SORCS3: variants seen among roughly 807,000 people sequenced by gnomAD.
The protein encoded by SORCS3 is sortilin related VPS10 domain containing receptor 3.
Under a neutral mutation model 146.3 loss-of-function variants are expected in SORCS3, and 57 were observed. The ratio of observed to expected loss-of-function variants is 0.39; its 90% confidence interval spans 0.31 to 0.49. SORCS3 has a LOEUF of 0.49. Ranked by LOEUF, SORCS3 falls within the 20% of genes least tolerant of loss-of-function variation. The pLI, the probability that SORCS3 is intolerant of heterozygous loss-of-function variation, is 0.92. For missense variants in SORCS3, 1,341 were observed against 1,575.5 expected (o/e 0.85, Z 2.52); for synonymous variants, 653 against 618.5 (o/e 1.06, Z -0.83).
intron 1 of SORCS3, among the ~76,000 whole-genome samples, chr10:104,676,853 TTC>T (rs1275827974): frequency 6.6e-6 from 1 of 152,218 alleles, no homozygotes; most frequent in Admixed American, 6.5e-5. Context: ...CTTGATTTCA[TTC>T]TGTCTCCAGT....
chr10:105,085,890 T>C (rs2055656962), intron 5 of SORCS3, among the ~76,000 whole-genome samples: 1 of 152,170 alleles, frequency 6.6e-6, no homozygotes, highest in Admixed American at 6.5e-5. Context: ...TCTCTGTCTC[T>C]CTCTGTTTCT....
intron 7 of SORCS3, among the ~76,000 whole-genome samples, chr10:105,114,092 C>T (rs1328855291): frequency 6.6e-6 from 1 of 152,110 alleles, no homozygotes; most frequent in Non-Finnish European, 1.5e-5. Flanking sequence ...CCTGGCTACC[C>T]TTGCTACTAG....
In SORCS3 at chr10:104,842,839, G is replaced by A. The variant is rs762109699; in HGVS notation, c.675G>A (p.Val225=). ...TKLYDFNLGS[V]TESSLWRSTD... Reference sequence around the variant, plus strand: ...TGTATGACTTCAACCTGGGCAGCGTGACTGAGAGTTCACTATGGAGGTAAG... The same window carrying A: ...TGTATGACTTCAACCTGGGCAGCGTAACTGAGAGTTCACTATGGAGGTAAG... Residue 225 remains valine, a synonymous_variant, in exon 2 of 27, where the codon GTG becomes GTA. Transcript: ENST00000369701. 54 of 1,613,806 alleles carry A rather than the reference G, an allele frequency of 3.3e-5. 1 individual carries two copies. The Admixed American group carries it at 8.0e-4, about 24-fold the overall frequency.
intron 1 of SORCS3, among the ~76,000 whole-genome samples, chr10:104,821,912 G>A (rs538873788): frequency 2.7e-4 from 41 of 152,278 alleles, no homozygotes; most frequent in Admixed American, 2.4e-3. Context: ...GCAGAGCCAG[G>A]TACATAGTAG....
chr10:105,136,129 A>G (rs776083351), intron 7 of SORCS3, among the ~76,000 whole-genome samples: 3 of 152,142 alleles, frequency 2.0e-5, no homozygotes, highest in Non-Finnish European at 2.9e-5. Flanking sequence ...TCTGTCTCAG[A>G]CCATTTCTGC....
chr10:104,921,985 C>G (rs1433946793), intron 3 of SORCS3, among the ~76,000 whole-genome samples: 1 of 152,180 alleles, frequency 6.6e-6, no homozygotes, highest in East Asian at 1.9e-4. Flanking sequence ...TCAGGCTACC[C>G]TGCAGAAATA....
At chr10:105,117,408 T>G (rs2055901212) in intron 7 of SORCS3, among the ~76,000 whole-genome samples, 1 of 152,154 alleles carries the variant, frequency 6.6e-6, no homozygotes, top group Admixed American at 6.5e-5. Context: ...AGTGAACTAT[T>G]TAAGTGAAGT....
intron 1 of SORCS3, among the ~76,000 whole-genome samples, chr10:104,719,980 T>G (rs1416116564): frequency 7.1e-6 from 1 of 141,242 alleles, no homozygotes; most frequent in Admixed American, 7.2e-5. Context: ...GCTCATAGGT[T>G]TTTTTTTTTT....
chr10:104,855,858 C>A (rs1222593255), intron 2 of SORCS3, among the ~76,000 whole-genome samples: 1 of 152,114 alleles, frequency 6.6e-6, no homozygotes, highest in Admixed American at 6.6e-5. Flanking sequence ...TCCTCAGCCT[C>A]CTGAGTAGCT....
At chr10:105,005,570 A>G (rs1220231251) in intron 4 of SORCS3, among the ~76,000 whole-genome samples, 1 of 152,158 alleles carries the variant, frequency 6.6e-6, no homozygotes, top group Non-Finnish European at 1.5e-5. Context: ...GTAGAATTAT[A>G]TACAAGATGG....
chr10:104,734,572 T>C (rs1330007806), intron 1 of SORCS3, among the ~76,000 whole-genome samples: 1 of 152,232 alleles, frequency 6.6e-6, no homozygotes, highest in East Asian at 1.9e-4. Flanking sequence ...TTGCATGCTA[T>C]TGTTACTCAG....
At chr10:104,653,321 T>C (rs2133241020) in intron 1 of SORCS3, among the ~76,000 whole-genome samples, 1 of 152,326 alleles carries the variant, frequency 6.6e-6, no homozygotes. Context: ...ATTCCAACTT[T>C]TTAGTTGTAT....
intron 14 of SORCS3, among the ~76,000 whole-genome samples, chr10:105,178,531 G>A (rs1368958003): frequency 6.6e-6 from 1 of 152,098 alleles, no homozygotes; most frequent in Non-Finnish European, 1.5e-5. Context: ...GGCAGGGATG[G>A]AGGGAGTAAA....
At chr10:105,181,116 A>G (rs1315306417) in intron 14 of SORCS3, among the ~76,000 whole-genome samples, 2 of 152,110 alleles carry the variant, frequency 1.3e-5, no homozygotes, top group Admixed American at 1.3e-4. Context: ...AGTGCCATAT[A>G]TTTACCAGGC....
chr10:105,156,311 A>G (rs1175410332), intron 9 of SORCS3, among the ~76,000 whole-genome samples: 3 of 152,238 alleles, frequency 2.0e-5, no homozygotes, highest in Non-Finnish European at 2.9e-5. Context: ...CATTATAAGT[A>G]TCTGCTTTCC....
intron 5 of SORCS3, among the ~76,000 whole-genome samples, chr10:105,060,005 C>T (rs182269656): frequency 2.0e-5 from 3 of 152,266 alleles, no homozygotes; most frequent in Admixed American, 2.0e-4. Flanking sequence ...TAAGCTGATA[C>T]AGTAGGACAA....
chr10:104,922,441 C>T lies in SORCS3; in HGVS notation c.795+6509C>T, dbSNP rs561842591. Among the ~76,000 whole-genome samples, 351 of 152,188 alleles carry T rather than the reference C, an allele frequency of 2.3e-3. 2 individuals are homozygous for T. The highest frequency in any genetic ancestry group is 4.4e-3 in the Non-Finnish European group (298 of 68,028). On this transcript the variant is annotated intron_variant, in intron 3 of 26. Coordinates refer to ENST00000369701, the MANE Select transcript of SORCS3 (RefSeq NM_014978.3). ...CGAAGAAAATGACTGCTACATAGAC[C>T]TAGGTCTCAAATTCGGATGCATGCA...
intron 1 of SORCS3, among the ~76,000 whole-genome samples, chr10:104,798,404 C>T (rs1171055839): frequency 6.6e-6 from 1 of 152,058 alleles, no homozygotes; most frequent in African/African-American, 2.4e-5. Context: ...CTATAAACCC[C>T]ATATTTCTCA....
chr10:104,955,212 G>A (rs145813354), intron 3 of SORCS3, among the ~76,000 whole-genome samples: 47 of 151,674 alleles, frequency 3.1e-4, no homozygotes, highest in African/African-American at 1.1e-3. Flanking sequence ...ATCACCCGTC[G>A]GCATTTTCTT....
Sources: gnomAD v4.1 joint callset for allele counts (sites outside exome capture counted in the v4.1 genomes callset) on GRCh38, gnomAD v4.1.1 for gene constraint, MANE v1.5 for transcripts, NCBI Gene and HGNC (gene_info 2026-07-23, HGNC 2026-07-21) for gene names.